Variants in THSD7B observed in about 807,000 individuals in gnomAD.
THSD7B encodes the protein thrombospondin type-1 domain-containing protein 7B.
Under a neutral mutation model 213.6 loss-of-function variants are expected in THSD7B, and 138 were observed. The observed-to-expected ratio is 0.65, with a 90% CI of 0.56 to 0.74. The LOEUF (loss-of-function observed/expected upper bound fraction) is 0.74, where lower values mean the gene tolerates loss of function less well. THSD7B is among the 30% of genes least tolerant of loss of function. The pLI, the probability that THSD7B is intolerant of heterozygous loss-of-function variation, is 0.00. For missense variants in THSD7B, 1,931 were observed against 1,991.5 expected, an observed-to-expected ratio of 0.97 and a Z score of 0.58; for synonymous variants, 742 against 687.0, an observed-to-expected ratio of 1.08 and a Z score of -1.25.
At chr2:137,385,646 ACT>A (rs1685877647) in intron 12 of THSD7B, among the ~76,000 whole-genome samples, 1 of 151,244 alleles carries the variant, frequency 6.6e-6, no homozygotes. Flanking sequence ...CCAATTTGTG[ACT>A]TGAGCATTGG....
intron 12 of THSD7B, among the ~76,000 whole-genome samples, chr2:137,378,172 G>A (rs918636819): frequency 1.3e-5 from 2 of 152,164 alleles, no homozygotes; most frequent in South Asian, 2.1e-4. Flanking sequence ...TGCGATGAAA[G>A]CTCCTTCATA....
At chr2:136,915,303 G>A (rs1261540164) in intron 2 of THSD7B, among the ~76,000 whole-genome samples, 2 of 152,182 alleles carry the variant, frequency 1.3e-5, no homozygotes, top group Admixed American at 1.3e-4. Flanking sequence ...AATAATCGGA[G>A]TACTCAGTCC....
At chr2:137,331,012 A>G (rs1006409383) in intron 12 of THSD7B, among the ~76,000 whole-genome samples, 5 of 152,192 alleles carry the variant, frequency 3.3e-5, no homozygotes, top group African/African-American at 1.2e-4. Context: ...ACCCCACCAG[A>G]GCAGCTAGAT....
intron 12 of THSD7B, among the ~76,000 whole-genome samples, chr2:137,382,095 C>T (rs1685790538): frequency 6.6e-6 from 1 of 152,154 alleles, no homozygotes; most frequent in African/African-American, 2.4e-5. Context: ...TGAATTGGGA[C>T]AGTACCACTA....
At chr2:136,886,355 A>C (rs868401127) in intron 2 of THSD7B, among the ~76,000 whole-genome samples, 1 of 152,142 alleles carries the variant, frequency 6.6e-6, no homozygotes, top group South Asian at 2.1e-4. Context: ...CAAGGAGATG[A>C]GGTAGGAGGC....
chr2:137,333,264 C>A (rs926316657), intron 12 of THSD7B, among the ~76,000 whole-genome samples: 1 of 152,184 alleles, frequency 6.6e-6, no homozygotes, highest in African/African-American at 2.4e-5. Context: ...TCTACACCAC[C>A]ACTACTGTAG....
At chr2:137,381,128 A>T (rs1335428729) in intron 12 of THSD7B, among the ~76,000 whole-genome samples, 1 of 152,226 alleles carries the variant, frequency 6.6e-6, no homozygotes, top group Non-Finnish European at 1.5e-5. Flanking sequence ...GTGAGCCTTC[A>T]GTCCCCACCG....
Position 137,268,518 on chromosome 2 carries a change from T to A in THSD7B, c.2267-4015T>A, listed in dbSNP as rs374492207. On this transcript the variant is annotated intron_variant, in intron 10 of 27. Coordinates refer to ENST00000409968, the MANE Select transcript of THSD7B (RefSeq NM_001316349.2). Reference sequence around the variant, plus strand: ...GTGGGGATTATTCATGCCTCCCTTTTTAGACCATGTAGGGTAGCTTCCTGA... The same window carrying A: ...GTGGGGATTATTCATGCCTCCCTTTATAGACCATGTAGGGTAGCTTCCTGA... 2.6e-5 allele frequency among the ~76,000 whole-genome samples: 4 copies of A among 152,276 alleles called. No individual in the cohort carries two copies. The East Asian group carries it at 7.7e-4, about 29-fold the overall frequency.
In THSD7B at chr2:137,141,492, ACT is replaced by A. The variant is rs1243093700; in HGVS notation, c.1370-18719_1370-18718del. Among the ~76,000 whole-genome samples, 26 of 43,742 alleles carry A rather than the reference ACT, an allele frequency of 5.9e-4. No homozygotes were observed. In the South Asian group the frequency reaches 6.6e-3, roughly 11 times the overall value. The allele number at this position is 43,742 out of a possible 152,430, so 28.7% of individuals were successfully genotyped here. A position where few individuals can be genotyped will look rare whatever the true frequency, so the allele number is the denominator to read the frequency against. On this transcript the variant is annotated intron_variant, in intron 5 of 27. Coordinates refer to ENST00000409968, the MANE Select transcript of THSD7B (RefSeq NM_001316349.2). Reference sequence around the variant, plus strand: ...GAAACACACATGTGTGCACACACACACTCACACACACACACACACACACACAC... The same window carrying A: ...GAAACACACATGTGTGCACACACACACACACACACACACACACACACACAC...
In THSD7B at chr2:137,016,291, G is replaced by C. The variant is rs934700704; in HGVS notation, c.140-40129G>C. 2.0e-5 allele frequency among the ~76,000 whole-genome samples: 3 copies of C among 152,216 alleles called. No individual in the cohort carries two copies. In the South Asian group the frequency reaches 6.2e-4, roughly 32 times the overall value. On this transcript the variant is annotated intron_variant, in intron 2 of 27. Transcript: ENST00000409968. ...GTTTCTCTCCCAAAAACTGATGGAA[G>C]TTTTTGGATGAATAATTAGATAAAA...
At chr2:137,278,430 C>A (rs1682922213) in intron 12 of THSD7B, among the ~76,000 whole-genome samples, 1 of 152,052 alleles carries the variant, frequency 6.6e-6, no homozygotes. Context: ...ACCAAGAAAT[C>A]CATATTAAAT....
intron 1 of THSD7B, among the ~76,000 whole-genome samples, chr2:136,819,284 T>G (rs1170440605): frequency 1.3e-5 from 2 of 152,192 alleles, no homozygotes; most frequent in African/African-American, 4.8e-5. Flanking sequence ...ACATCTGTTG[T>G]TTTTTCCTGC....
intron 2 of THSD7B, among the ~76,000 whole-genome samples, chr2:136,891,940 TG>T (rs996303507): frequency 1.4e-4 from 21 of 152,150 alleles, no homozygotes; most frequent in African/African-American, 4.8e-4. Flanking sequence ...GTTCAGGGGC[TG>T]GGGTCATCTG....
At chr2:137,531,971 C>T (rs1680407388) in intron 15 of THSD7B, among the ~76,000 whole-genome samples, 1 of 151,886 alleles carries the variant, frequency 6.6e-6, no homozygotes, top group Non-Finnish European at 1.5e-5. Flanking sequence ...GATAATTAGC[C>T]TTCTACAATA....
rs181645790 is a variant in THSD7B at position 137,041,523 on chromosome 2, T to G, written c.140-14897T>G. 3.9e-4 allele frequency among the ~76,000 whole-genome samples: 59 copies of G among 151,184 alleles called. 1 individual carries two copies. Among genetic ancestry groups the G allele is most frequent in the Admixed American group, 3.4e-3 (51 of 15,108 alleles). ...TATCTAATATAGTTTATAATAGAATTTCATATTATATCACACATATATATA... is the reference window on the plus strand; with the variant it reads ...TATCTAATATAGTTTATAATAGAATGTCATATTATATCACACATATATATA... On this transcript the variant is annotated intron_variant, in intron 2 of 27. Transcript: ENST00000409968.
chr2:136,768,719 A>G (rs1681452975), intron 1 of THSD7B, among the ~76,000 whole-genome samples: 2 of 152,224 alleles, frequency 1.3e-5, no homozygotes, highest in South Asian at 4.1e-4. Context: ...TTGTATTATC[A>G]AAAACTACAT....
intron 17 of THSD7B, among the ~76,000 whole-genome samples, chr2:137,615,864 AC>A (rs1682375449): frequency 6.6e-6 from 1 of 152,060 alleles, no homozygotes; most frequent in East Asian, 1.9e-4. Context: ...CGGATCTCTT[AC>A]ATTGTTGCAG....
At chr2:136,954,743 A>ATAAGAGCTTT (rs763995399) in intron 2 of THSD7B, among the ~76,000 whole-genome samples, 33 of 150,224 alleles carry the variant, frequency 2.2e-4, no homozygotes, top group Non-Finnish European at 4.4e-4. Flanking sequence ...AAGAAATTAC[A>ATAAGAGCTTT]TAAGAGCTTT....
chr2:137,333,044 G>T (rs1000656342), intron 12 of THSD7B, among the ~76,000 whole-genome samples: 1 of 151,904 alleles, frequency 6.6e-6, no homozygotes, highest in Non-Finnish European at 1.5e-5. Flanking sequence ...ATCCGAGAAC[G>T]AAGGAAACCA....
Sources: gnomAD v4.1 joint callset for allele counts (sites outside exome capture counted in the v4.1 genomes callset) on GRCh38, gnomAD v4.1.1 for gene constraint, MANE v1.5 for transcripts, NCBI Gene and HGNC (gene_info 2026-07-23, HGNC 2026-07-21) for gene names.